BBS9: variants seen among roughly 807,000 people sequenced by gnomAD.
BBS9 encodes Bardet-Biedl syndrome 9, also known as protein PTHB1.
BBS9 carries 89 observed loss-of-function variants against 117.7 expected under a neutral mutation model. The observed-to-expected ratio is 0.76, with a 90% confidence interval of 0.64 to 0.90. The LOEUF is 0.90. Ranked by LOEUF, BBS9 falls within the 40% of genes least tolerant of loss-of-function variation. BBS9 has a pLI of 0.00. For synonymous variants in BBS9, 379 were observed against 370.9 expected (o/e 1.02, Z -0.25); for missense variants, 982 against 1,042.2 (o/e 0.94, Z 0.80).
At chr7:33,578,221 C>G (rs780149497) in intron 21 of BBS9, among the ~76,000 whole-genome samples, 1 of 152,096 alleles carries the variant, frequency 6.6e-6, no homozygotes. Context: ...AAGCTATTAC[C>G]ACCAGTGTGT....
chr7:33,553,050 C>T lies in BBS9; in HGVS notation c.2521+18874C>T, dbSNP rs191691530. ...CTGTTCACTTTGCCTTGAATACTGT[C>T]CTCTATCCATTCCCAAACATTCCCT... On this transcript the variant is annotated intron_variant, in intron 21 of 22. Coordinates refer to ENST00000242067, the MANE Select transcript of BBS9 (RefSeq NM_198428.3). 2.5e-3 allele frequency among the ~76,000 whole-genome samples: 383 copies of T among 152,264 alleles called. 1 individual carries two copies. The highest frequency in any genetic ancestry group is 0.01 in the Middle Eastern group (3 of 294).
intron 21 of BBS9, among the ~76,000 whole-genome samples, chr7:33,594,270 C>T (rs1008534391): frequency 2.6e-5 from 4 of 152,080 alleles, no homozygotes; most frequent in East Asian, 1.9e-4. Context: ...GTCTTAAACA[C>T]GCTTTCAGTT....
chr7:33,409,863 G>T (rs1034390182), intron 19 of BBS9, among the ~76,000 whole-genome samples: 1 of 152,052 alleles, frequency 6.6e-6, no homozygotes, highest in Admixed American at 6.6e-5. Flanking sequence ...TTTGCTACAT[G>T]TATTTCCCTT....
chr7:33,163,597 G>C (rs774816350), intron 4 of BBS9, among the ~76,000 whole-genome samples: 15 of 152,130 alleles, frequency 9.9e-5, no homozygotes, highest in Non-Finnish European at 1.5e-5. Context: ...ATTTCTTCTA[G>C]ATTTTCTAGT....
At chr7:33,178,919 G>C (rs970826591) in intron 5 of BBS9, among the ~76,000 whole-genome samples, 1 of 152,116 alleles carries the variant, frequency 6.6e-6, no homozygotes, top group Admixed American at 6.5e-5. Context: ...CAAAACACTT[G>C]GTTAGGTTGG....
intron 21 of BBS9, among the ~76,000 whole-genome samples, chr7:33,622,053 T>C (rs1336040616): frequency 7.2e-5 from 11 of 151,922 alleles, no homozygotes; most frequent in Non-Finnish European, 1.2e-4. Context: ...CTACTAAAAA[T>C]ACAAAATTTA....
intron 9 of BBS9, among the ~76,000 whole-genome samples, chr7:33,326,570 T>G (rs6944642): frequency 6.6e-6 from 1 of 151,862 alleles, no homozygotes; most frequent in Non-Finnish European, 1.5e-5. Context: ...CCCCATGGCC[T>G]TTGCAGTTGG....
At position 33,152,780 on chromosome 7, in the gene BBS9, A is replaced by G; in HGVS notation, c.192A>G (p.Gln64=). 1.9e-6 allele frequency: 3 copies of G among 1,613,958 alleles called. No homozygotes were observed. The highest frequency in any genetic ancestry group is 2.5e-6 in the Non-Finnish European group (3 of 1,179,964). The change falls in exon 3 of 23, where the codon CAA becomes CAG. Residue 64 remains glutamine, a synonymous_variant. Coordinates refer to ENST00000242067, the MANE Select transcript of BBS9 (RefSeq NM_198428.3). The stretch of plus-strand genomic sequence containing the variant: ...CTGCAAAAACAGGAGATGGAGCTCA[A>G]GCCGAAGATTTGCTTCTAGAAGTGG... ...PHPAKTGDGA[Q]AEDLLLEVDL...
intron 19 of BBS9, among the ~76,000 whole-genome samples, chr7:33,450,306 G>T (rs7798978): frequency 0.03 from 4,509 of 152,180 alleles, 231 homozygotes; most frequent in African/African-American, 0.1. Context: ...CTTCCCCTTG[G>T]CAATTGCGAA....
chr7:33,488,356 G>A (rs1584999637), intron 19 of BBS9, among the ~76,000 whole-genome samples: 1 of 151,994 alleles, frequency 6.6e-6, no homozygotes, highest in South Asian at 2.1e-4. Flanking sequence ...TTGACATTTT[G>A]CATTTTTTCC....
chr7:33,465,057 T>C (rs76070496), intron 19 of BBS9, among the ~76,000 whole-genome samples: 2,229 of 152,042 alleles, frequency 0.015, 26 homozygotes, highest in Non-Finnish European at 0.021. Context: ...AATCAGATAT[T>C]ATAATTTAAT....
At chr7:33,242,803 A>G (rs1455992340) in intron 5 of BBS9, among the ~76,000 whole-genome samples, 2 of 152,178 alleles carry the variant, frequency 1.3e-5, no homozygotes, top group Non-Finnish European at 2.9e-5. Context: ...GTAATGATAG[A>G]CCATGTTAAA....
chr7:33,153,861 G>C (rs1793716260), intron 3 of BBS9, among the ~76,000 whole-genome samples: 1 of 152,202 alleles, frequency 6.6e-6, no homozygotes, highest in Non-Finnish European at 1.5e-5. Context: ...AGCAGATGGT[G>C]ATTAGGTTCC....
intron 9 of BBS9, among the ~76,000 whole-genome samples, chr7:33,305,320 GAATATTTGTGTC>G (rs974136591): frequency 5.9e-5 from 9 of 151,976 alleles, no homozygotes; most frequent in African/African-American, 2.2e-4. Flanking sequence ...ATTTTGTTGA[GAATATTTGTGTC>G]AATATTCATC....
chr7:33,341,020 T>C, intron 11 of BBS9, 47 bp downstream of exon 11: 1 of 1,524,478 alleles, frequency 6.6e-7, no homozygotes, highest in Non-Finnish European at 9.1e-7. Context: ...AGTGGTAAAC[T>C]CTGATGAATT....
chr7:33,262,858 T>C (rs955705515), intron 6 of BBS9, among the ~76,000 whole-genome samples: 1 of 152,208 alleles, frequency 6.6e-6, no homozygotes, highest in Non-Finnish European at 1.5e-5. Flanking sequence ...CCTGAACCTA[T>C]ACCAAGAGCA....
At chr7:33,575,770 A>G (rs1013584298) in intron 21 of BBS9, among the ~76,000 whole-genome samples, 2 of 152,164 alleles carry the variant, frequency 1.3e-5, no homozygotes, top group Admixed American at 1.3e-4. Context: ...ATCAATAAAC[A>G]TAATCCATCA....
At chr7:33,360,798 T>TA (rs1245521594) in intron 16 of BBS9, among the ~76,000 whole-genome samples, 1 of 152,180 alleles carries the variant, frequency 6.6e-6, no homozygotes, top group African/African-American at 2.4e-5. Flanking sequence ...ATGTTGGAAT[T>TA]ACAGGTGTGA....
intron 19 of BBS9, among the ~76,000 whole-genome samples, chr7:33,470,732 A>G (rs977477026): frequency 1.3e-5 from 2 of 152,220 alleles, no homozygotes; most frequent in Non-Finnish European, 2.9e-5. Flanking sequence ...CTGTAGAAGA[A>G]CAATCACACA....
Sources: gnomAD v4.1 joint callset for allele counts (sites outside exome capture counted in the v4.1 genomes callset) on GRCh38, gnomAD v4.1.1 for gene constraint, MANE v1.5 for transcripts, NCBI Gene and HGNC (gene_info 2026-07-23, HGNC 2026-07-21) for gene names.